Variants in FBXO4 observed in about 807,000 individuals in gnomAD.
FBXO4 encodes F-box protein 4, also known as F-box only protein 4.
A neutral mutation model predicts 43.7 loss-of-function variants in FBXO4; 36 were observed. The observed-to-expected ratio is 0.82, with a 90% CI of 0.63 to 1.09. The LOEUF (loss-of-function observed/expected upper bound fraction) is 1.09. FBXO4 is among the 50% of genes least tolerant of loss of function. FBXO4 has a pLI of 0.00. For synonymous variants in FBXO4, 180 were observed against 165.6 expected (o/e 1.09, Z -0.67); for missense variants, 435 against 474.1 (o/e 0.92, Z 0.77).
the FBXO4 span, among the ~76,000 whole-genome samples, chr5:42,007,736 T>C: frequency 1.3e-5 from 2 of 152,160 alleles, no homozygotes; most frequent in Non-Finnish European, 2.9e-5. Context: ...TCAAGCATTA[T>C]TGCAAAACTA....
the FBXO4 span, among the ~76,000 whole-genome samples, chr5:42,016,372 T>C: frequency 4.6e-5 from 7 of 151,966 alleles, no homozygotes; most frequent in Non-Finnish European, 8.8e-5. Context: ...CCTTTTTTTT[T>C]TCCTTAGGAT....
the FBXO4 span, among the ~76,000 whole-genome samples, chr5:42,036,524 A>G: frequency 1.3e-5 from 2 of 152,154 alleles, no homozygotes; most frequent in African/African-American, 4.8e-5. Flanking sequence ...TTACCTCTTA[A>G]TTAAAACAGA....
downstream of FBXO4, among the ~76,000 whole-genome samples, chr5:41,942,038 A>G (rs1014383336): frequency 2.6e-5 from 4 of 152,170 alleles, no homozygotes; most frequent in African/African-American, 7.2e-5. Context: ...CAGCAATTTT[A>G]AGATTATAGT....
chr5:41,955,757 AG>A, the FBXO4 span, among the ~76,000 whole-genome samples: 32 of 152,282 alleles, frequency 2.1e-4, no homozygotes, highest in South Asian at 6.0e-3. Context: ...CATGAGTAGG[AG>A]AAAACTACCC....
chr5:41,933,194 T>C (rs182847963), intron 3 of FBXO4, among the ~76,000 whole-genome samples: 56 of 152,338 alleles, frequency 3.7e-4, no homozygotes, highest in African/African-American at 1.0e-3. Context: ...CTCAATTTAC[T>C]AATGTTCTCT....
intron 2 of FBXO4, chr5:41,928,401 C>G (rs1004172977): frequency 1.5e-4 from 22 of 149,722 alleles, no homozygotes; most frequent in African/African-American, 5.2e-4. Context: ...GTGGAGCGAT[C>G]TCGGCTCACT....
the FBXO4 span, among the ~76,000 whole-genome samples, chr5:42,007,030 G>A: frequency 6.7e-6 from 1 of 149,612 alleles, no homozygotes; most frequent in Non-Finnish European, 1.5e-5. Flanking sequence ...TACTTATTAT[G>A]TGTTGAACTG....
chr5:41,934,806 A>G, intron 5 of FBXO4: 1 of 992,524 alleles, frequency 1.0e-6, no homozygotes, highest in Non-Finnish European at 1.2e-6. Flanking sequence ...TGAGAACACT[A>G]TTCATATATT....
the FBXO4 span, among the ~76,000 whole-genome samples, chr5:41,992,541 C>T: frequency 6.6e-6 from 1 of 152,222 alleles, no homozygotes; most frequent in African/African-American, 2.4e-5. Flanking sequence ...TTTCTGAGTT[C>T]TATTGTGGAA....
the FBXO4 span, among the ~76,000 whole-genome samples, chr5:41,956,998 C>T: frequency 1.3e-5 from 2 of 152,044 alleles, no homozygotes; most frequent in African/African-American, 2.4e-5. Context: ...AGGCTTAAGC[C>T]CCTGCGCCTG....
At chr5:42,013,587 C>A in the FBXO4 span, among the ~76,000 whole-genome samples, 1 of 152,178 alleles carries the variant, frequency 6.6e-6, no homozygotes. Flanking sequence ...CCCTTGCATC[C>A]CTTTCTCCCT....
the FBXO4 span, among the ~76,000 whole-genome samples, chr5:41,964,500 C>T: frequency 6.6e-6 from 1 of 150,716 alleles, no homozygotes. Context: ...CAACAGGATA[C>T]ATCACAGAAA....
chr5:41,931,668 T>G (rs904711016), intron 3 of FBXO4, among the ~76,000 whole-genome samples: 3 of 152,230 alleles, frequency 2.0e-5, no homozygotes, highest in African/African-American at 7.2e-5. Flanking sequence ...GATTACTGTA[T>G]GCATCCAGCT....
intron 6 of FBXO4, among the ~76,000 whole-genome samples, chr5:41,940,038 A>G (rs148678428): frequency 0.012 from 1,747 of 151,110 alleles, 35 homozygotes; most frequent in African/African-American, 0.041. Context: ...TTTTGTAGAG[A>G]TGGGGTTTCT....
the FBXO4 span, among the ~76,000 whole-genome samples, chr5:42,007,854 A>T: frequency 2.0e-5 from 3 of 152,136 alleles, no homozygotes; most frequent in African/African-American, 4.8e-5. Flanking sequence ...GGGTGGTAGT[A>T]GGGGCTGCTC....
chr5:41,930,061 G>A (rs1751635729), intron 3 of FBXO4, 144 bp downstream of exon 3: 1 of 610,982 alleles, frequency 1.6e-6, no homozygotes, highest in African/African-American at 1.9e-5. Context: ...AGGTTCCACT[G>A]AACTGACAGA....
At chr5:41,929,343 G>T (rs1244785937) in intron 2 of FBXO4, among the ~76,000 whole-genome samples, 1 of 151,902 alleles carries the variant, frequency 6.6e-6, no homozygotes, top group Non-Finnish European at 1.5e-5. Context: ...AAATGTTCCA[G>T]GGGGGCAGGG....
At chr5:42,015,512 C>A in the FBXO4 span, among the ~76,000 whole-genome samples, 1 of 152,182 alleles carries the variant, frequency 6.6e-6, no homozygotes, top group African/African-American at 2.4e-5. Context: ...ACCAGTTCAT[C>A]AGATACACCC....
the FBXO4 span, among the ~76,000 whole-genome samples, chr5:41,975,063 G>A: frequency 3.3e-5 from 5 of 152,152 alleles, no homozygotes; most frequent in South Asian, 8.3e-4. Context: ...TGATTCTTAG[G>A]ACTCTTGCCA....
Sources: gnomAD v4.1 joint callset for allele counts (sites outside exome capture counted in the v4.1 genomes callset) on GRCh38, gnomAD v4.1.1 for gene constraint, MANE v1.5 for transcripts, NCBI Gene and HGNC (gene_info 2026-07-23, HGNC 2026-07-21) for gene names.